Variants in SGCZ observed in about 807,000 individuals in gnomAD.
SGCZ encodes zeta-sarcoglycan.
In SGCZ, 40 loss-of-function variants were observed where a neutral mutation model predicts 41.3. That is an observed-to-expected ratio of 0.97 (90% confidence interval 0.75 to 1.26). The LOEUF (loss-of-function observed/expected upper bound fraction) is 1.26, where lower values mean the gene tolerates loss of function less well. SGCZ is among the 50% of genes most tolerant of loss of function. The pLI, the probability that SGCZ is intolerant of heterozygous loss-of-function variation, is 0.00. For synonymous variants in SGCZ, 206 were observed against 137.5 expected (o/e 1.50, Z -3.49); for missense variants, 552 against 369.8 (o/e 1.49, Z -4.04).
At chr8:14,241,165 C>T (rs78346209) in intron 3 of SGCZ, among the ~76,000 whole-genome samples, 5,563 of 152,024 alleles carry the variant, frequency 0.037, 162 homozygotes, top group African/African-American at 0.076. Flanking sequence ...TTACTCCATT[C>T]CACTGTCTGA....
intron 5 of SGCZ, among the ~76,000 whole-genome samples, chr8:14,109,676 T>C (rs551705953): frequency 1.2e-4 from 18 of 152,268 alleles, no homozygotes; most frequent in African/African-American, 3.8e-4. Flanking sequence ...AAGCTAAAAT[T>C]CCAATTCCTT....
At chr8:14,820,096 G>T (rs1273273056) in intron 1 of SGCZ, among the ~76,000 whole-genome samples, 1 of 150,976 alleles carries the variant, frequency 6.6e-6, no homozygotes, top group African/African-American at 2.5e-5. Context: ...GAGAAAAAAT[G>T]GAGAAAAAAT....
At chr8:14,594,272 A>G (rs1805337212) in intron 1 of SGCZ, among the ~76,000 whole-genome samples, 1 of 152,008 alleles carries the variant, frequency 6.6e-6, no homozygotes, top group African/African-American at 2.4e-5. Context: ...CCCAAGTTTG[A>G]CTTGACAGCC....
intron 2 of SGCZ, among the ~76,000 whole-genome samples, chr8:14,534,270 CAGA>C (rs1803227062): frequency 6.6e-6 from 1 of 151,864 alleles, no homozygotes; most frequent in Admixed American, 6.6e-5. Flanking sequence ...GGTGCAGAAA[CAGA>C]AGAAGGGCTC....
chr8:15,181,196 G>T (rs73665394), intron 1 of SGCZ, among the ~76,000 whole-genome samples: 2 of 152,018 alleles, frequency 1.3e-5, no homozygotes, highest in Admixed American at 1.3e-4. Flanking sequence ...ATTAAATAAA[G>T]AAAACAAGTT....
At chr8:14,529,489 G>T (rs77295557) in intron 2 of SGCZ, among the ~76,000 whole-genome samples, 108 of 152,248 alleles carry the variant, frequency 7.1e-4, no homozygotes, top group African/African-American at 2.5e-3. Flanking sequence ...GCACAGGGCT[G>T]TCAACTTCAA....
At chr8:14,241,827 TCTAA>T (rs1445123052) in intron 3 of SGCZ, among the ~76,000 whole-genome samples, 3 of 152,230 alleles carry the variant, frequency 2.0e-5, no homozygotes, top group Admixed American at 6.5e-5. Context: ...GCTGCAATTT[TCTAA>T]CTGTTAGATA....
intron 7 of SGCZ, among the ~76,000 whole-genome samples, chr8:14,091,612 A>AT (rs2116952179): frequency 6.6e-6 from 1 of 152,266 alleles, no homozygotes; most frequent in African/African-American, 2.4e-5. Context: ...TGTTGGCTGC[A>AT]TAAATATCTT....
At chr8:15,086,567 T>G (rs1192249873) in intron 1 of SGCZ, among the ~76,000 whole-genome samples, 1 of 152,192 alleles carries the variant, frequency 6.6e-6, no homozygotes, top group Non-Finnish European at 1.5e-5. Flanking sequence ...CTAATTGACC[T>G]GACTTGATCA....
At position 14,901,062 on chromosome 8, in the gene SGCZ, C is replaced by T. The variant is rs543880356; in HGVS notation, c.39+336523G>A. 5.9e-5 allele frequency among the ~76,000 whole-genome samples: 9 copies of T among 152,254 alleles called. No individual in the cohort carries two copies. The East Asian group carries it at 1.7e-3, about 29-fold the overall frequency. On this transcript the variant is annotated intron_variant, in intron 1 of 7. Transcript: ENST00000382080. The stretch of plus-strand genomic sequence containing the variant: ...ATATCATTTCTGTTTGGAAAGAATG[C>T]TTACTCAAAGGAAGAGAGCTTGAAC...
intron 1 of SGCZ, among the ~76,000 whole-genome samples, chr8:15,155,570 G>A (rs531453789): frequency 1.7e-4 from 26 of 152,178 alleles, no homozygotes; most frequent in Non-Finnish European, 3.5e-4. Context: ...AACTGGAAAC[G>A]TCATAACTGA....
chr8:15,025,050 T>A (rs2130949000), intron 1 of SGCZ, among the ~76,000 whole-genome samples: 1 of 152,028 alleles, frequency 6.6e-6, no homozygotes, highest in South Asian at 2.1e-4. Flanking sequence ...AGACAGTAAC[T>A]TAAAATACTC....
intron 1 of SGCZ, among the ~76,000 whole-genome samples, chr8:15,005,328 C>CTTTTTT (rs10603664): frequency 2.8e-4 from 22 of 78,722 alleles, no homozygotes; most frequent in South Asian, 9.7e-4. Context: ...TTTTCTTTTT[C>CTTTTTT]TTTTTTTTTT....
chr8:14,904,515 T>C (rs905820497), intron 1 of SGCZ, among the ~76,000 whole-genome samples: 2 of 152,068 alleles, frequency 1.3e-5, no homozygotes, highest in Non-Finnish European at 2.9e-5. Flanking sequence ...AGAAGCATTT[T>C]ACCTTGAATA....
At chr8:15,170,133 T>G (rs1235293743) in intron 1 of SGCZ, among the ~76,000 whole-genome samples, 1 of 152,130 alleles carries the variant, frequency 6.6e-6, no homozygotes, top group African/African-American at 2.4e-5. Context: ...ATTAAATTTT[T>G]TTCCATGTGC....
At chr8:14,220,641 G>T (rs1332390858) in intron 4 of SGCZ, among the ~76,000 whole-genome samples, 1 of 152,100 alleles carries the variant, frequency 6.6e-6, no homozygotes, top group Admixed American at 6.5e-5. Flanking sequence ...ACAAAAATCA[G>T]TTGGGCGTAG....
Position 14,350,086 on chromosome 8 carries a change from C to A in SGCZ, c.235-25882G>T, listed in dbSNP as rs544559594. Among the ~76,000 whole-genome samples the A allele has an allele frequency of 1.0e-3, 158 of 152,136 alleles. 1 individual carries two copies. Among genetic ancestry groups the A allele is most frequent in the African/African-American group, 3.6e-3 (151 of 41,504 alleles). ...TCCTTGGCTAAATGATTGATAAAATCCCCTCGTGACTTGGAAAATGTCTTT... is the reference window on the plus strand; with the variant it reads ...TCCTTGGCTAAATGATTGATAAAATACCCTCGTGACTTGGAAAATGTCTTT... On this transcript the variant is annotated intron_variant, in intron 2 of 7. Coordinates refer to ENST00000382080, the MANE Select transcript of SGCZ (RefSeq NM_139167.4).
rs962132140 is a variant in SGCZ at position 15,066,170 on chromosome 8, C to T, written c.39+171415G>A. Among the ~76,000 whole-genome samples, 29 of 151,742 alleles carry T rather than the reference C, an allele frequency of 1.9e-4. 1 individual carries two copies. The East Asian group carries it at 4.1e-3, about 21-fold the overall frequency. On this transcript the variant is annotated intron_variant, in intron 1 of 7. Transcript: ENST00000382080. Reference sequence around the variant, plus strand: ...AAAAATACAAAAAATTAGCCGGGCGCGGTGGCGGGCGCCTGTAGTCCCAGC... The same window carrying T: ...AAAAATACAAAAAATTAGCCGGGCGTGGTGGCGGGCGCCTGTAGTCCCAGC...
intron 2 of SGCZ, among the ~76,000 whole-genome samples, chr8:14,506,523 C>T (rs1006270825): frequency 6.6e-6 from 1 of 152,088 alleles, no homozygotes; most frequent in Non-Finnish European, 1.5e-5. Flanking sequence ...AGTCAGTCTC[C>T]TAATTCCACA....
Sources: gnomAD v4.1 joint callset for allele counts (sites outside exome capture counted in the v4.1 genomes callset) on GRCh38, gnomAD v4.1.1 for gene constraint, MANE v1.5 for transcripts, NCBI Gene and HGNC (gene_info 2026-07-23, HGNC 2026-07-21) for gene names.